RYR3: variants seen among roughly 807,000 people sequenced by gnomAD.
The protein encoded by RYR3 is ryanodine receptor 3, also known as brain ryanodine receptor-calcium release channel.
In RYR3, 207 loss-of-function variants were observed where a neutral mutation model predicts 584.3. That is an observed-to-expected ratio of 0.35 (90% CI 0.32 to 0.40). RYR3 has a LOEUF of 0.40. Among genes scored for constraint, RYR3 ranks in the 10% least tolerant of loss-of-function variants. RYR3 has a pLI of 1.00. For synonymous variants in RYR3, 2,416 were observed against 2,248.5 expected (o/e 1.07, Z -2.11); for missense variants, 5,616 against 6,089.2 (o/e 0.92, Z 2.59).
intron 102 of RYR3, among the ~76,000 whole-genome samples, chr15:33,863,177 A>C (rs1461271934): frequency 6.6e-6 from 1 of 152,076 alleles, no homozygotes; most frequent in Non-Finnish European, 1.5e-5. Flanking sequence ...GAAAGAACCC[A>C]ATTTTATTCG....
At chr15:33,823,192 T>A in intron 81 of RYR3, 120 bp downstream of exon 81, 3 of 731,874 alleles carry the variant, frequency 4.1e-6, no homozygotes, top group Non-Finnish European at 6.6e-6. Flanking sequence ...AGGAAGCACC[T>A]ACTTAGAAAG....
chr15:33,423,682 C>T (rs1475057345), intron 1 of RYR3, among the ~76,000 whole-genome samples: 3 of 151,984 alleles, frequency 2.0e-5, no homozygotes, highest in Non-Finnish European at 4.4e-5. Context: ...TTGTCATAGC[C>T]ATCCTAGTGG....
intron 11 of RYR3, among the ~76,000 whole-genome samples, chr15:33,565,191 G>A (rs530856157): frequency 6.6e-6 from 1 of 152,298 alleles, no homozygotes; most frequent in African/African-American, 2.4e-5. Context: ...AGTTTTAAAT[G>A]TGTTATCTGA....
At position 33,838,457 on chromosome 15, in the gene RYR3, A is replaced by G. The variant is rs1243799080; in HGVS notation, c.12477A>G (p.Arg4159=). The G allele has an allele frequency of 6.2e-7, 1 of 1,613,856 alleles. No individual in the cohort carries two copies. Among genetic ancestry groups the G allele is most frequent in the African/African-American group, 1.3e-5 (1 of 74,910 alleles). The change falls in exon 89 of 104, where the codon AGA becomes AGG. Residue 4159 remains arginine, a synonymous_variant. Transcript: ENST00000634891. ...VKRNVTDFLK[R]ATLKNLRKQY... ...GGAATGTCACCGACTTCCTGAAGAG[A>G]GCAACCCTGAAGAACCTCAGGAAGC... is the stretch of plus-strand genomic sequence containing the variant.
At chr15:33,751,812 A>G (rs573553178) in intron 57 of RYR3, among the ~76,000 whole-genome samples, 3 of 152,162 alleles carry the variant, frequency 2.0e-5, no homozygotes, top group African/African-American at 4.8e-5. Context: ...GCCCATTCCT[A>G]TGTCCTGAAT....
chr15:33,331,287 G>A (rs1365569023), intron 1 of RYR3, among the ~76,000 whole-genome samples: 2 of 152,056 alleles, frequency 1.3e-5, no homozygotes, highest in African/African-American at 4.8e-5. Flanking sequence ...GTACTTTAGG[G>A]TGTAGTCACA....
chr15:33,758,975 G>C (rs1460928989), intron 60 of RYR3, among the ~76,000 whole-genome samples: 1 of 152,218 alleles, frequency 6.6e-6, no homozygotes, highest in Non-Finnish European at 1.5e-5. Flanking sequence ...CTGTTCTGCA[G>C]CCTCCGCTGG....
rs1398401669 is a variant in RYR3, at chr15:33,354,292, G to A, written c.51+43196G>A. Reference sequence around the variant, plus strand: ...CATGTAGTAAGATGCCCATTTCTTAGTGTTCCTATCCACCCAGCTTTATTT... The same window carrying A: ...CATGTAGTAAGATGCCCATTTCTTAATGTTCCTATCCACCCAGCTTTATTT... On this transcript the variant is annotated intron_variant, in intron 1 of 103. Coordinates refer to ENST00000634891, the MANE Select transcript of RYR3 (RefSeq NM_001036.6). 2.6e-5 allele frequency among the ~76,000 whole-genome samples: 4 copies of A among 152,152 alleles called. No homozygotes were observed. The East Asian group carries it at 7.7e-4, about 29-fold the overall frequency.
In RYR3 at chr15:33,696,246, G is replaced by A. The variant is rs1281447838; in HGVS notation, c.5889G>A (p.Thr1963=). The A allele has an allele frequency of 2.5e-6, 4 of 1,613,656 alleles. No homozygotes were observed. In the South Asian group the frequency reaches 3.3e-5, roughly 13 times the overall value. Residue 1963 remains threonine (T), a synonymous_variant, in exon 39 of 104, where the codon ACG becomes ACA. Coordinates refer to ENST00000634891, the MANE Select transcript of RYR3 (RefSeq NM_001036.6). ...PTTLKELISQ[T]MICWAQEDQI... ...CATTGAAGGAACTCATCTCACAGAC[G>A]ATGATCTGCTGGGCCCAGGAGGACC...
chr15:33,546,402 C>T (rs1291116677), intron 8 of RYR3, among the ~76,000 whole-genome samples: 1 of 152,108 alleles, frequency 6.6e-6, no homozygotes, highest in Non-Finnish European at 1.5e-5. Flanking sequence ...TACAGAGACA[C>T]CTGGGGTGTA....
intron 1 of RYR3, among the ~76,000 whole-genome samples, chr15:33,389,780 T>C (rs1214824543): frequency 1.3e-5 from 2 of 152,246 alleles, no homozygotes; most frequent in African/African-American, 2.4e-5. Context: ...ATTTTCTCTT[T>C]GCAAACTTTT....
intron 2 of RYR3, among the ~76,000 whole-genome samples, chr15:33,482,931 T>C (rs1262755751): frequency 6.6e-6 from 1 of 152,242 alleles, no homozygotes; most frequent in African/African-American, 2.4e-5. Flanking sequence ...TTTTATATTG[T>C]TCCACAGGTC....
rs572467701 is a variant in RYR3, at chr15:33,738,500, A to T, written c.7566A>T (p.Ser2522=). The T allele has an allele frequency of 3.1e-6, 5 of 1,613,974 alleles. No individual in the cohort carries two copies. The African/African-American group carries it at 6.7e-5, about 22-fold the overall frequency. ...EQCWKYYCLP[S]GWGSYGLAVE... is the part of the protein sequence containing the mutation. ...GTTGGAAGTATTACTGCCTGCCTTC[A>T]GGATGGGGGAGCTACGGGCTAGCTG... is the stretch of plus-strand genomic sequence containing the variant. The change falls in exon 50 of 104, where the codon TCA becomes TCT. Residue 2522 remains serine (S), a synonymous_variant. Coordinates refer to ENST00000634891, the MANE Select transcript of RYR3 (RefSeq NM_001036.6).
chr15:33,788,808 G>A (rs1046008234), intron 67 of RYR3, among the ~76,000 whole-genome samples: 13 of 152,186 alleles, frequency 8.5e-5, no homozygotes, highest in Non-Finnish European at 1.2e-4. Flanking sequence ...TGTGTTAAGC[G>A]CTCTTCTAGG....
chr15:33,848,310 A>C lies in RYR3; in HGVS notation c.13517A>C (p.Lys4506Thr). 6.2e-7 allele frequency: 1 copy of C among 1,613,744 alleles called. No homozygotes were observed. Among genetic ancestry groups the C allele is most frequent in the Non-Finnish European group, 8.5e-7 (1 of 1,179,878 alleles). The change falls in exon 94 of 104, where the codon AAA (lysine) becomes ACA (threonine). Residue 4506 changes from lysine to threonine, a missense_variant. This residue lies in a region of RYR3 where 918 missense variants were observed against 887.4 expected (regional missense o/e 1.03). Transcript: ENST00000634891. ...YCLKVPLVVFKREKEIARKLE... is the reference protein window; with the variant it reads ...YCLKVPLVVFTREKEIARKLE... ...TCCTAGGTGCCTTTGGTGGTTTTCA[A>C]AAGGGAAAAAGAAATCGCCAGGAAG...
chr15:33,742,305 C>T (rs2070225338), intron 51 of RYR3, 61 bp from the exon 52 acceptor site: 1 of 1,054,808 alleles, frequency 9.5e-7, no homozygotes, highest in Admixed American at 1.8e-5. Flanking sequence ...TTCTGACTAT[C>T]TTCTACTATG....
chr15:33,334,601 C>T (rs980279027), intron 1 of RYR3, among the ~76,000 whole-genome samples: 9 of 152,068 alleles, frequency 5.9e-5, no homozygotes, highest in Non-Finnish European at 1.0e-4. Context: ...CTAGGCAATA[C>T]GATTCAGGAA....
intron 102 of RYR3, among the ~76,000 whole-genome samples, chr15:33,863,097 G>A (rs1249288891): frequency 6.6e-6 from 1 of 152,136 alleles, no homozygotes; most frequent in African/African-American, 2.4e-5. Context: ...AACCCCTTCT[G>A]TGCCTTCCCA....
At chr15:33,788,158 T>C in intron 66 of RYR3, 60 bp from the exon 67 acceptor site, 1 of 1,605,380 alleles carries the variant, frequency 6.2e-7, no homozygotes, top group Non-Finnish European at 8.5e-7. Context: ...CAGTCATGTC[T>C]TTCATTTTCA....
Sources: allele counts gnomAD v4.1 joint callset (sites outside exome capture counted in the v4.1 genomes callset), GRCh38; gene constraint gnomAD v4.1.1; regional missense constraint gnomAD v4.1.1; transcripts MANE v1.5; gene names NCBI Gene and HGNC (gene_info 2026-07-23, HGNC 2026-07-21).